Variants in TTC28 observed in about 807,000 individuals in gnomAD.
TTC28 encodes the protein tetratricopeptide repeat protein 28.
In TTC28, 61 loss-of-function variants were observed where a neutral mutation model predicts 198.0. The ratio of observed to expected loss-of-function variants is 0.31; its 90% CI spans 0.25 to 0.38. The LOEUF (loss-of-function observed/expected upper bound fraction) is 0.38. TTC28 is among the 10% of genes least tolerant of loss of function. TTC28 has a pLI of 1.00. For missense variants in TTC28, 2,678 were observed against 3,164.0 expected, an observed-to-expected ratio of 0.85 and a Z score of 3.69; for synonymous variants, 1,171 against 1,297.8, an observed-to-expected ratio of 0.90 and a Z score of 2.10.
chr22:28,161,724 AG>A (rs1921209432), intron 6 of TTC28, among the ~76,000 whole-genome samples: 1 of 114,204 alleles, frequency 8.8e-6, no homozygotes, highest in Non-Finnish European at 1.9e-5. Flanking sequence ...GAAAGGAAAG[AG>A]GACAGGACAG....
At chr22:28,188,604 A>G (rs1924425317) in intron 5 of TTC28, among the ~76,000 whole-genome samples, 1 of 152,150 alleles carries the variant, frequency 6.6e-6, no homozygotes, top group South Asian at 2.1e-4. Context: ...AGAGATGAAG[A>G]CGGAAATGAA....
At chr22:28,378,346 A>C (rs1379700860) in intron 2 of TTC28, among the ~76,000 whole-genome samples, 2 of 81,026 alleles carry the variant, frequency 2.5e-5, no homozygotes, top group Admixed American at 1.3e-4. Flanking sequence ...ACTCTGTCTC[A>C]AAAAAAAAAA....
At chr22:28,622,395 T>G (rs2051013779) in intron 2 of TTC28, among the ~76,000 whole-genome samples, 2 of 152,068 alleles carry the variant, frequency 1.3e-5, no homozygotes, top group Admixed American at 1.3e-4. Context: ...AGACCAGAGC[T>G]TCCACTTAAG....
Position 27,992,682 on chromosome 22 carries a change from GT to G in TTC28, c.5477-20del, listed in dbSNP as rs1937458724. The G allele has an allele frequency of 1.9e-6, 3 of 1,550,658 alleles. No individual in the cohort carries two copies. Among genetic ancestry groups the G allele is most frequent in the Non-Finnish European group, 1.7e-6 (2 of 1,146,656 alleles). The stretch of plus-strand genomic sequence containing the variant: ...GGCAGACCTAAACCAAGAAAAAAGG[GT>G]AGAAGTTATTCAGAAGGGCCTCTGC... On this transcript the variant is annotated intron_variant, in intron 18 of 22. Transcript: ENST00000397906.
At chr22:28,165,030 T>G (rs1246557390) in intron 5 of TTC28, among the ~76,000 whole-genome samples, 4 of 152,134 alleles carry the variant, frequency 2.6e-5, no homozygotes, top group Non-Finnish European at 5.9e-5. Flanking sequence ...ACGTGATGAA[T>G]GCACAAGCCT....
At chr22:28,218,984 C>A (rs1007745692) in intron 5 of TTC28, among the ~76,000 whole-genome samples, 1 of 151,648 alleles carries the variant, frequency 6.6e-6, no homozygotes, top group African/African-American at 2.4e-5. Context: ...CAAATAATAT[C>A]TTAGTATTAT....
At chr22:28,444,704 C>T (rs1362868992) in intron 2 of TTC28, among the ~76,000 whole-genome samples, 1 of 152,102 alleles carries the variant, frequency 6.6e-6, no homozygotes, top group East Asian at 1.9e-4. Flanking sequence ...AATTCAGACC[C>T]ACAATGACCC....
chr22:28,078,544 G>C (rs942203632), intron 12 of TTC28, among the ~76,000 whole-genome samples: 5 of 152,022 alleles, frequency 3.3e-5, no homozygotes, highest in Admixed American at 6.6e-5. Flanking sequence ...GCTATTATTA[G>C]GTACACAGAG....
intron 2 of TTC28, among the ~76,000 whole-genome samples, chr22:28,618,170 G>A (rs1343784817): frequency 6.6e-6 from 1 of 152,094 alleles, no homozygotes; most frequent in Non-Finnish European, 1.5e-5. Context: ...AGATACTTGG[G>A]AAGCTGAGGC....
chr22:28,353,310 T>A (rs1355785027), intron 2 of TTC28, among the ~76,000 whole-genome samples: 3 of 152,234 alleles, frequency 2.0e-5, no homozygotes, highest in Non-Finnish European at 4.4e-5. Context: ...TTTAAATGAA[T>A]GTATGTATAA....
intron 5 of TTC28, among the ~76,000 whole-genome samples, chr22:28,259,008 C>T (rs1931142462): frequency 6.6e-6 from 1 of 151,700 alleles, no homozygotes; most frequent in African/African-American, 2.4e-5. Context: ...GGAAAAAATA[C>T]AAAGGTGACC....
chr22:28,284,386 C>A (rs1330389122), intron 5 of TTC28, among the ~76,000 whole-genome samples: 1 of 152,146 alleles, frequency 6.6e-6, no homozygotes, highest in East Asian at 1.9e-4. Context: ...AACAAACTAA[C>A]AGATTGATAT....
chr22:28,014,873 C>T (rs546376924), intron 13 of TTC28, among the ~76,000 whole-genome samples: 82 of 152,202 alleles, frequency 5.4e-4, no homozygotes, highest in Non-Finnish European at 9.6e-4. Context: ...TGAGCCCCAG[C>T]ACGGGCTCTG....
chr22:28,517,362 A>T (rs1201300670), intron 2 of TTC28, among the ~76,000 whole-genome samples: 1 of 152,190 alleles, frequency 6.6e-6, no homozygotes, highest in Non-Finnish European at 1.5e-5. Flanking sequence ...TAAAAAAATC[A>T]AGTTGCTGAA....
At chr22:28,214,137 G>C (rs1198039739) in intron 5 of TTC28, among the ~76,000 whole-genome samples, 3 of 151,852 alleles carry the variant, frequency 2.0e-5, no homozygotes, top group Admixed American at 2.0e-4. Flanking sequence ...ATTCAAGATG[G>C]GATAAAAGAC....
At chr22:28,523,680 G>C (rs1214525935) in intron 2 of TTC28, among the ~76,000 whole-genome samples, 1 of 152,148 alleles carries the variant, frequency 6.6e-6, no homozygotes, top group Non-Finnish European at 1.5e-5. Flanking sequence ...CAGACTCTCA[G>C]AAAGATTAAG....
intron 2 of TTC28, among the ~76,000 whole-genome samples, chr22:28,392,870 C>CTTTTTTTTTT (rs1245558034): frequency 2.5e-5 from 2 of 80,676 alleles, no homozygotes; most frequent in African/African-American, 5.0e-5. Flanking sequence ...TTCCTCCCTC[C>CTTTTTTTTTT]TTTTTTTTTT....
chr22:28,318,812 CTTTTTTTTTT>C (rs71316836), intron 2 of TTC28, among the ~76,000 whole-genome samples: 1 of 61,324 alleles, frequency 1.6e-5, no homozygotes, highest in East Asian at 5.5e-4. Context: ...GAAGTGTATT[CTTTTTTTTTT>C]TTTTTTTTTT....
At chr22:28,412,890 T>C (rs2047103979) in intron 2 of TTC28, among the ~76,000 whole-genome samples, 1 of 152,228 alleles carries the variant, frequency 6.6e-6, no homozygotes, top group Non-Finnish European at 1.5e-5. Flanking sequence ...GCTATCAGCT[T>C]TATGATTACT....
Sources: gnomAD v4.1 joint callset for allele counts (sites outside exome capture counted in the v4.1 genomes callset) on GRCh38, gnomAD v4.1.1 for gene constraint, MANE v1.5 for transcripts, NCBI Gene and HGNC (gene_info 2026-07-23, HGNC 2026-07-21) for gene names.